MED23: variants seen among roughly 807,000 people sequenced by gnomAD.
MED23 encodes mediator complex subunit 23.
Under a neutral mutation model 163.9 loss-of-function variants are expected in MED23, and 105 were observed. That is an observed-to-expected ratio of 0.64 (90% CI 0.55 to 0.75). MED23 has a LOEUF of 0.75. Ranked by LOEUF, MED23 falls within the 30% of genes least tolerant of loss-of-function variation. MED23 has a pLI of 0.00. For synonymous variants in MED23, 561 were observed against 565.6 expected (o/e 0.99, Z 0.12); for missense variants, 1,054 against 1,649.0 (o/e 0.64, Z 6.25).
At chr6:131,622,028 G>T in intron 5 of MED23, 49 bp from the exon 6 acceptor site, 2 of 1,375,932 alleles carry the variant, frequency 1.5e-6, no homozygotes, top group African/African-American at 1.4e-5. Context: ...TGTCTACTGT[G>T]TTAGCTAAAA....
chr6:131,596,225 C>T (rs376042408), intron 21 of MED23, 62 bp from the exon 22 acceptor site: 13 of 1,419,854 alleles, frequency 9.2e-6, no homozygotes, highest in Admixed American at 1.7e-5. Context: ...CTTAAAAGAG[C>T]TAAATGTGAA....
chr6:131,585,935 T>C (rs1774160349), downstream of MED23, among the ~76,000 whole-genome samples: 1 of 152,254 alleles, frequency 6.6e-6, no homozygotes, highest in Non-Finnish European at 1.5e-5. Context: ...AGTGATTATA[T>C]TGATTTTCAT....
At chr6:131,622,033 C>T in intron 5 of MED23, 54 bp from the exon 6 acceptor site, 1 of 1,305,456 alleles carries the variant, frequency 7.7e-7, no homozygotes, top group Non-Finnish European at 1.1e-6. Flanking sequence ...ACTGTGTTAG[C>T]TAAAACGTCC....
At chr6:131,584,007 T>G, downstream of MED23, 1 of 1,392,358 alleles carries the variant, frequency 7.2e-7, no homozygotes, top group Non-Finnish European at 9.9e-7. Flanking sequence ...ACTTGTTCTT[T>G]CAGAAAAATG....
intron 6 of MED23, among the ~76,000 whole-genome samples, 187 bp downstream of exon 6, chr6:131,621,694 T>G (rs1202993454): frequency 6.6e-6 from 1 of 152,202 alleles, no homozygotes; most frequent in East Asian, 1.9e-4. Context: ...TTTAAAACCA[T>G]GAATTAAAAT....
At chr6:131,625,903 A>T (rs1484998577) in intron 3 of MED23, among the ~76,000 whole-genome samples, 1 of 151,992 alleles carries the variant, frequency 6.6e-6, no homozygotes, top group African/African-American at 2.4e-5. Flanking sequence ...TGGGCAGATC[A>T]TGAGGTCGGG....
rs550464981 is a variant in MED23, at chr6:131,595,384, A to G, written c.2995+563T>C. Among the ~76,000 whole-genome samples the G allele has an allele frequency of 2.5e-4, 38 of 152,346 alleles. 2 individuals carry two copies. The South Asian group carries it at 7.7e-3, about 31-fold the overall frequency. On this transcript the variant is annotated intron_variant, in intron 22 of 28. Coordinates refer to ENST00000368068, the MANE Select transcript of MED23 (RefSeq NM_004830.4). ...CTTCATCCTAAGACTGCTGCCAACT[A>G]TAACTGGATGTATCTTTCTGAAATA... is the stretch of plus-strand genomic sequence containing the variant.
At position 131,593,182 on chromosome 6, in the gene MED23, T is replaced by C; in HGVS notation, c.3233-11A>G. 6.2e-6 allele frequency: 10 copies of C among 1,614,122 alleles called. No homozygotes were observed. Among genetic ancestry groups the C allele is most frequent in the Non-Finnish European group, 8.5e-6 (10 of 1,179,974 alleles). On this transcript the variant is annotated splice_polypyrimidine_tract_variant and intron_variant, in intron 23 of 28. Coordinates refer to ENST00000368068, the MANE Select transcript of MED23 (RefSeq NM_004830.4). ...ATTTGCCAGCCATCGGTGCACACAG[T>C]TAAAGCAATAACAATTGGACTATCT...
At chr6:131,592,686 C>T in intron 24 of MED23, 1 of 598,986 alleles carries the variant, frequency 1.7e-6, no homozygotes, top group East Asian at 2.8e-5. Flanking sequence ...ATACTTCATG[C>T]TAATTTTTAA....
At chr6:131,600,302 T>C (rs912222174) in intron 17 of MED23, 140 bp from the exon 18 acceptor site, 2 of 830,448 alleles carry the variant, frequency 2.4e-6, no homozygotes, top group Admixed American at 2.2e-5. Context: ...ATATTCAGCT[T>C]AGAACCTAAA....
Position 131,602,236 on chromosome 6 carries a change from T to C in MED23, c.2077A>G (p.Arg693Gly), listed in dbSNP as rs1160627777. ...ACCGTACCTGTTACATGAGTTGCTC[T>C]AGCCAAGGTCAATATCAAGGCTCGG... ...LNRALILTLA[R>G]ATHVTDFFTG... The change falls in exon 17 of 29, where the codon AGA becomes GGA. Residue 693 changes from arginine to glycine, a missense_variant. By Grantham distance (125) the Arg-to-Gly change is moderately radical (BLOSUM62 -2). Transcript: ENST00000368068. 3 of 1,613,886 alleles carry C rather than the reference T, an allele frequency of 1.9e-6. No homozygotes were observed. Among genetic ancestry groups the C allele is most frequent in the South Asian group, 2.2e-5 (2 of 91,080 alleles).
chr6:131,596,492 T>C (rs376720935), intron 21 of MED23, 26 bp downstream of exon 21: 3 of 1,612,616 alleles, frequency 1.9e-6, no homozygotes, highest in African/African-American at 1.3e-5. Context: ...AAAAGGACTA[T>C]TTGAAATACC....
At chr6:131,597,785 G>T (rs929050515) in intron 20 of MED23, among the ~76,000 whole-genome samples, 2 of 152,096 alleles carry the variant, frequency 1.3e-5, no homozygotes, top group African/African-American at 4.8e-5. Flanking sequence ...CTTATTAAAT[G>T]AATGAATAAG....
At chr6:131,575,038 G>T (rs1469597415) in intron 30 of MED23, among the ~76,000 whole-genome samples, 1 of 152,124 alleles carries the variant, frequency 6.6e-6, no homozygotes, top group Non-Finnish European at 1.5e-5. Context: ...AAAGTCGGTG[G>T]AGCTGACAAA....
chr6:131,597,475 CAA>C (rs59083644), intron 20 of MED23, among the ~76,000 whole-genome samples: 2 of 53,752 alleles, frequency 3.7e-5, no homozygotes, highest in Admixed American at 2.0e-4. Flanking sequence ...GACTCCATAT[CAA>C]AAAAAAAAAA....
At chr6:131,618,261 T>G (rs1379552027) in intron 9 of MED23, 146 bp downstream of exon 9, 10 of 707,056 alleles carry the variant, frequency 1.4e-5, no homozygotes, top group Admixed American at 2.1e-5. Context: ...ATTTAGATAC[T>G]AGAATAACAT....
At chr6:131,627,506 A>T in intron 2 of MED23, 23 bp from the exon 3 acceptor site, 3 of 1,604,370 alleles carry the variant, frequency 1.9e-6, no homozygotes, top group Non-Finnish European at 2.6e-6. Context: ...AAATTACATT[A>T]TTTGTCATTC....
chr6:131,578,700 C>T (rs1773755066), intron 30 of MED23, among the ~76,000 whole-genome samples: 1 of 151,832 alleles, frequency 6.6e-6, no homozygotes, highest in Admixed American at 6.6e-5. Context: ...CATATATATA[C>T]CGATATATAT....
At chr6:131,603,340 A>G (rs1206882736) in intron 15 of MED23, 136 bp from the exon 16 acceptor site, 5 of 841,564 alleles carry the variant, frequency 5.9e-6, no homozygotes, top group Non-Finnish European at 9.5e-6. Context: ...TATATTCTCC[A>G]TATTTTCTTA....
Sources: gnomAD v4.1 joint callset for allele counts (sites outside exome capture counted in the v4.1 genomes callset) on GRCh38, gnomAD v4.1.1 for gene constraint, MANE v1.5 for transcripts, NCBI Gene and HGNC (gene_info 2026-07-23, HGNC 2026-07-21) for gene names.